ATG16L1: variants seen among roughly 807,000 people sequenced by gnomAD.
ATG16L1 encodes the protein autophagy related 16 like 1.
ATG16L1 carries 37 observed loss-of-function variants against 88.5 expected under a neutral mutation model. That is an observed-to-expected ratio of 0.42 (90% CI 0.32 to 0.55). The LOEUF (loss-of-function observed/expected upper bound fraction) is 0.55. Ranked by LOEUF, ATG16L1 falls within the 20% of genes least tolerant of loss-of-function variation. ATG16L1 has a pLI of 0.13. For synonymous variants in ATG16L1, 301 were observed against 281.0 expected (o/e 1.07, Z -0.71); for missense variants, 554 against 752.8 (o/e 0.74, Z 3.09).
chr2:233,290,132 T>A, intron 13 of ATG16L1, 116 bp from the exon 14 acceptor site: 1 of 1,512,418 alleles, frequency 6.6e-7, no homozygotes, highest in Non-Finnish European at 9.1e-7. Context: ...TTTTTCTTGT[T>A]TAAAGCTTCA....
chr2:233,278,148 A>G (rs1213131804), intron 10 of ATG16L1, among the ~76,000 whole-genome samples: 2 of 152,240 alleles, frequency 1.3e-5, no homozygotes, highest in South Asian at 2.1e-4. Context: ...ACAGAGGCGT[A>G]CTACCTAGAA....
chr2:233,259,845 T>A (rs1444322668), intron 2 of ATG16L1, among the ~76,000 whole-genome samples: 1 of 151,614 alleles, frequency 6.6e-6, no homozygotes, highest in African/African-American at 2.4e-5. Flanking sequence ...CATCCTTTGG[T>A]TTGCATTTAT....
At chr2:233,259,114 C>T (rs1292144225) in intron 2 of ATG16L1, among the ~76,000 whole-genome samples, 1 of 152,014 alleles carries the variant, frequency 6.6e-6, no homozygotes, top group Admixed American at 6.6e-5. Context: ...CGTGGCCAAG[C>T]AAGGAGGCAG....
intron 12 of ATG16L1, among the ~76,000 whole-genome samples, chr2:233,287,850 C>T (rs1486804036): frequency 1.3e-5 from 2 of 152,172 alleles, no homozygotes; most frequent in Non-Finnish European, 2.9e-5. Flanking sequence ...TGCACTCCAG[C>T]TTGGGTGACA....
intron 9 of ATG16L1, among the ~76,000 whole-genome samples, chr2:233,276,289 C>CT (rs1168217287): frequency 6.6e-6 from 1 of 152,118 alleles, no homozygotes; most frequent in Non-Finnish European, 1.5e-5. Context: ...TATTGATAGT[C>CT]TATGTTTTCT....
intron 1 of ATG16L1, 120 bp downstream of exon 1, chr2:233,252,062 G>A (rs1696409778): frequency 5.1e-6 from 4 of 788,916 alleles, no homozygotes; most frequent in Non-Finnish European, 7.4e-6. Context: ...CGGCCGCCCC[G>A]GGTAACCCGC....
intron 12 of ATG16L1, among the ~76,000 whole-genome samples, chr2:233,287,032 A>G (rs1319068257): frequency 1.3e-5 from 2 of 152,104 alleles, no homozygotes; most frequent in Admixed American, 6.5e-5. Flanking sequence ...CCTGGAAATA[A>G]GTCAAGAGAA....
chr2:233,261,537 T>G (rs1697212593), intron 2 of ATG16L1, among the ~76,000 whole-genome samples: 1 of 152,208 alleles, frequency 6.6e-6, no homozygotes, highest in African/African-American at 2.4e-5. Flanking sequence ...GGTATTAGTT[T>G]GTGCTTAGCT....
intron 2 of ATG16L1, 128 bp from the exon 3 acceptor site, chr2:233,263,002 G>A: frequency 1.4e-5 from 11 of 789,864 alleles, no homozygotes; most frequent in Non-Finnish European, 2.1e-5. Context: ...ACACCCGAAT[G>A]GTTTATTGGC....
chr2:233,272,800 G>A (rs563180085), intron 6 of ATG16L1, among the ~76,000 whole-genome samples, 166 bp from the exon 7 acceptor site: 1 of 152,200 alleles, frequency 6.6e-6, no homozygotes, highest in Non-Finnish European at 1.5e-5. Flanking sequence ...TTGTAGTGTT[G>A]TTCAGAACAT....
intron 1 of ATG16L1, 98 bp from the exon 2 acceptor site, chr2:233,256,004 C>T: frequency 3.3e-6 from 3 of 911,662 alleles, no homozygotes; most frequent in Non-Finnish European, 5.2e-6. Context: ...AATGTATGTT[C>T]CTGTATTGCA....
intron 8 of ATG16L1, 68 bp from the exon 9 acceptor site, chr2:233,274,604 CCTTT>C (rs1236426878): frequency 1.7e-6 from 2 of 1,210,956 alleles, no homozygotes; most frequent in South Asian, 1.4e-5. Context: ...GTCTTGGAGT[CCTTT>C]CTAACAATTT....
At chr2:233,266,147 C>G (rs1442882310) in intron 5 of ATG16L1, 2 of 152,180 alleles carry the variant, frequency 1.3e-5, no homozygotes, top group African/African-American at 4.8e-5. Flanking sequence ...AACACAAGTT[C>G]AGCAGATGCC....
intron 12 of ATG16L1, chr2:233,288,536 CT>C: frequency 3.6e-6 from 1 of 278,424 alleles, no homozygotes; most frequent in Non-Finnish European, 7.2e-6. Context: ...CCCACCTTGG[CT>C]TCCCAAAGTG....
In ATG16L1 at chr2:233,290,306, T is replaced by C; in HGVS notation, c.1383T>C (p.Cys461=). The change falls in exon 14 of 18, where the codon TGT becomes TGC. Residue 461 remains cysteine, a synonymous_variant. Transcript: ENST00000392017. ...SCNDIVCTEQ[C]VMSGHFDKKI... ...ATGATATTGTCTGCACAGAGCAATG[T>C]GTAATGAGTGGACATTTTGACAAGA... 5 of 1,614,220 alleles carry C rather than the reference T, an allele frequency of 3.1e-6. No homozygotes were observed. Among genetic ancestry groups the C allele is most frequent in the Non-Finnish European group, 4.2e-6 (5 of 1,180,030 alleles).
Position 233,272,948 on chromosome 2 carries a change from T to C in ATG16L1, c.708-18T>C, listed in dbSNP as rs763674885. ...AACTGTTCAGGAGAATCAAAGAATGTCTTGCCTTTCTTTCCAGGGATGATG... is the reference window on the plus strand; with the variant it reads ...AACTGTTCAGGAGAATCAAAGAATGCCTTGCCTTTCTTTCCAGGGATGATG... On this transcript the variant is annotated intron_variant, in intron 6 of 17. Coordinates refer to ENST00000392017, the MANE Select transcript of ATG16L1 (RefSeq NM_030803.7). 1 of 1,602,764 alleles carries C rather than the reference T, an allele frequency of 6.2e-7. No individual in the cohort carries two copies. The highest frequency in any genetic ancestry group is 8.5e-7 in the Non-Finnish European group (1 of 1,169,628).
At position 233,282,674 on chromosome 2, in the gene ATG16L1, T is replaced by C; in HGVS notation, c.1132-8T>C. The C allele has an allele frequency of 6.2e-7, 1 of 1,613,818 alleles. No individual in the cohort carries two copies. Among genetic ancestry groups the C allele is most frequent in the Non-Finnish European group, 8.5e-7 (1 of 1,179,740 alleles). On this transcript the variant is annotated splice_region_variant and splice_polypyrimidine_tract_variant and intron_variant, in intron 11 of 17. Coordinates refer to ENST00000392017, the MANE Select transcript of ATG16L1 (RefSeq NM_030803.7). ...AAAAATTGGTTTTCCTCTTCTTTAT[T>C]CCCACAGGGATCTTACCTCTTAGCA...
chr2:233,253,667 G>C (rs1380538917), intron 1 of ATG16L1, among the ~76,000 whole-genome samples: 1 of 152,066 alleles, frequency 6.6e-6, no homozygotes, highest in Non-Finnish European at 1.5e-5. Flanking sequence ...TTGAACTTAG[G>C]CTTGATGACT....
chr2:233,289,877 G>C lies in ATG16L1; in HGVS notation c.1227G>C (p.Gly409=). 2.5e-6 allele frequency: 4 copies of C among 1,614,214 alleles called. No individual in the cohort carries two copies. Among genetic ancestry groups the C allele is most frequent in the Non-Finnish European group, 3.4e-6 (4 of 1,180,032 alleles). ...AGCACACACTCACGGGACACAGTGG[G>C]AAAGTGCTGTCTGCTAAGTTCCTGC... ...RLRHTLTGHS[G]KVLSAKFLLD... The change falls in exon 13 of 18, where the codon GGG becomes GGC. Residue 409 remains glycine, a synonymous_variant. Transcript: ENST00000392017.
Sources: allele counts gnomAD v4.1 joint callset (sites outside exome capture counted in the v4.1 genomes callset), GRCh38; gene constraint gnomAD v4.1.1; transcripts MANE v1.5; gene names NCBI Gene and HGNC (gene_info 2026-07-23, HGNC 2026-07-21).